Variants in ENKUR observed in about 807,000 individuals in gnomAD.
ENKUR encodes the protein enkurin, TRPC channel interacting protein.
A neutral mutation model predicts 27.6 loss-of-function variants in ENKUR; 19 were observed. The ratio of observed to expected loss-of-function variants is 0.69; its 90% confidence interval spans 0.48 to 1.01. The LOEUF (loss-of-function observed/expected upper bound fraction) is 1.01, where lower values mean the gene tolerates loss of function less well. Among genes scored for constraint, ENKUR ranks in the 50% least tolerant of loss-of-function variants. The pLI is 0.00. For synonymous variants in ENKUR, 117 were observed against 96.9 expected, an observed-to-expected ratio of 1.21 and a Z score of -1.22; for missense variants, 312 against 310.5, an observed-to-expected ratio of 1.00 and a Z score of -0.04.
chr10:25,033,466 A>G (rs1291860072), intron 2 of ENKUR, among the ~76,000 whole-genome samples: 1 of 150,428 alleles, frequency 6.6e-6, no homozygotes, highest in Admixed American at 6.7e-5. Context: ...TGCCTTCCAT[A>G]TTTCCTTTTT....
At chr10:24,991,020 A>T (rs1179907514) in intron 3 of ENKUR, among the ~76,000 whole-genome samples, 1 of 152,130 alleles carries the variant, frequency 6.6e-6, no homozygotes, top group African/African-American at 2.4e-5. Context: ...AAATCTCTTG[A>T]ATCTGGGAGG....
At chr10:25,036,231 C>G (rs1851005795) in intron 2 of ENKUR, among the ~76,000 whole-genome samples, 1 of 152,116 alleles carries the variant, frequency 6.6e-6, no homozygotes, top group Non-Finnish European at 1.5e-5. Context: ...TTTCTGCATA[C>G]TGTTCTCATG....
chr10:25,024,190 G>C (rs140656866), intron 2 of ENKUR: 91 of 1,614,074 alleles, frequency 5.6e-5, no homozygotes, highest in Admixed American at 3.3e-5. Context: ...GGAAAACTTT[G>C]CCTGCTCAAA....
intron 3 of ENKUR, among the ~76,000 whole-genome samples, chr10:24,992,694 C>A (rs565184339): frequency 1.3e-5 from 2 of 152,298 alleles, no homozygotes; most frequent in South Asian, 4.1e-4. Flanking sequence ...AACAATAACA[C>A]TTTGTTGCTT....
intron 2 of ENKUR, among the ~76,000 whole-genome samples, chr10:25,039,848 G>T (rs1246535602): frequency 1.3e-5 from 2 of 151,460 alleles, no homozygotes; most frequent in Non-Finnish European, 2.9e-5. Flanking sequence ...GGAGCTGGAG[G>T]ATCCAAAATA....
chr10:25,024,145 G>A (rs767597413), intron 2 of ENKUR: 3 of 1,614,060 alleles, frequency 1.9e-6, no homozygotes, highest in Non-Finnish European at 2.5e-6. Flanking sequence ...CATACCTGCT[G>A]CCAGGTTGGG....
intron 2 of ENKUR, among the ~76,000 whole-genome samples, chr10:25,057,230 T>A (rs537731062): frequency 6.6e-6 from 1 of 152,086 alleles, no homozygotes; most frequent in South Asian, 2.1e-4. Flanking sequence ...CAAACTAAAG[T>A]CATCAGAATG....
chr10:24,994,336 C>CTT (rs199991900), intron 3 of ENKUR, among the ~76,000 whole-genome samples: 15 of 137,708 alleles, frequency 1.1e-4, no homozygotes, highest in African/African-American at 1.6e-4. Flanking sequence ...ATTCTGCACT[C>CTT]TTTTTTTTTT....
chr10:25,007,869 G>A (rs1286962044), intron 1 of ENKUR, among the ~76,000 whole-genome samples: 7 of 151,798 alleles, frequency 4.6e-5, no homozygotes, highest in Non-Finnish European at 1.0e-4. Flanking sequence ...ATGCCTGAAG[G>A]GAAAGGTGCC....
intron 2 of ENKUR, chr10:25,023,470 G>T (rs778443651): frequency 9.3e-6 from 15 of 1,613,992 alleles, no homozygotes; most frequent in Non-Finnish European, 1.1e-5. Flanking sequence ...AGGTTGTTGT[G>T]TCATAGATGT....
chr10:25,020,611 A>G (rs1850700646), upstream of ENKUR, among the ~76,000 whole-genome samples: 1 of 152,024 alleles, frequency 6.6e-6, no homozygotes, highest in Non-Finnish European at 1.5e-5. Flanking sequence ...TAGAAAACCT[A>G]CAAAAATTAG....
chr10:25,061,012 C>T (rs1277349620), intron 2 of ENKUR: 4 of 1,168,784 alleles, frequency 3.4e-6, no homozygotes, highest in Admixed American at 2.0e-5. Flanking sequence ...CTGGGCCTGG[C>T]CCTTATGTTT....
chr10:25,017,769 A>G (rs1020478430), upstream of ENKUR, among the ~76,000 whole-genome samples: 1 of 152,170 alleles, frequency 6.6e-6, no homozygotes, highest in African/African-American at 2.4e-5. Context: ...ATCCAAATCT[A>G]TATCACTTTG....
intron 3 of ENKUR, among the ~76,000 whole-genome samples, chr10:24,993,152 T>C (rs1189792068): frequency 6.6e-6 from 1 of 152,020 alleles, no homozygotes; most frequent in Non-Finnish European, 1.5e-5. Flanking sequence ...TTAAGTGTTT[T>C]TAAAAAGAAA....
In ENKUR at chr10:24,984,109, G is replaced by A. The variant is rs1229516549; in HGVS notation, c.*261C>T. 2.5e-6 allele frequency: 1 copy of A among 398,872 alleles called. No homozygotes were observed. The highest frequency in any genetic ancestry group is 2.0e-5 in the African/African-American group (1 of 49,062). 24.7% of individuals were successfully genotyped at this position (398,872 alleles called of 1,614,324 possible). A position where few individuals can be genotyped will look rare whatever the true frequency, so the allele number is the denominator to read the frequency against. ...ATCATCCTCAATGATGCCTTTATAA[G>A]TTGTCATCTTGATTTTGTAAGTTGT... On this transcript the variant is annotated 3_prime_UTR_variant, in exon 6 of 6. Transcript: ENST00000331161.
At position 25,026,930 on chromosome 10, in the gene ENKUR, A is replaced by G. The variant is rs148193745; in HGVS notation, c.38-31061T>C. 5.7e-3 allele frequency among the ~76,000 whole-genome samples: 867 copies of G among 152,344 alleles called. 3 individuals carry two copies. Among genetic ancestry groups the G allele is most frequent in the Non-Finnish European group, 9.1e-3 (618 of 68,026 alleles). ...CAAAAATTGAAAATCAGGAGCAGTT[A>G]TAGGAAAAAAATGGAAGATTCAAAG... On this transcript the variant is annotated intron_variant, in intron 2 of 5. Coordinates refer to the ENKUR transcript ENST00000615958.
At chr10:24,997,555 T>TA (rs1284393869) in intron 2 of ENKUR, among the ~76,000 whole-genome samples, 26 of 151,640 alleles carry the variant, frequency 1.7e-4, no homozygotes, top group African/African-American at 6.3e-4. Flanking sequence ...CCTAGCTAAT[T>TA]AAAAAAAATT....
chr10:24,988,316 G>A (rs1206986258), intron 4 of ENKUR, among the ~76,000 whole-genome samples: 17 of 141,098 alleles, frequency 1.2e-4, no homozygotes, highest in African/African-American at 4.5e-4. Flanking sequence ...TTATATGTGT[G>A]TATATATATT....
chr10:25,010,860 T>G (rs1484360182), intron 1 of ENKUR, among the ~76,000 whole-genome samples: 8 of 151,600 alleles, frequency 5.3e-5, no homozygotes, highest in Non-Finnish European at 1.2e-4. Flanking sequence ...GACATTTGGG[T>G]TGGTTCCAAG....
Sources: allele counts gnomAD v4.1 joint callset (sites outside exome capture counted in the v4.1 genomes callset), GRCh38; gene constraint gnomAD v4.1.1; transcripts MANE v1.5; gene names NCBI Gene and HGNC (gene_info 2026-07-23, HGNC 2026-07-21).